Variants in NDRG2 observed in about 807,000 individuals in gnomAD.
NDRG2 encodes the protein protein NDRG2.
In NDRG2, 34 loss-of-function variants were observed where a neutral mutation model predicts 58.2. The ratio of observed to expected loss-of-function variants is 0.58; its 90% CI spans 0.44 to 0.78. NDRG2 has a LOEUF of 0.78. NDRG2 is among the 30% of genes least tolerant of loss of function. NDRG2 has a pLI of 0.00. For synonymous variants in NDRG2, 187 were observed against 175.9 expected, an observed-to-expected ratio of 1.06 and a Z score of -0.50; for missense variants, 434 against 471.2, an observed-to-expected ratio of 0.92 and a Z score of 0.73.
Position 21,024,195 on chromosome 14 carries a change from C to T in NDRG2, c.-172G>A, listed in dbSNP as rs1456932798. ...CCAAGACCCAGACTCCCAGGGTCATCAACCTCCTCGGGTCACTAACCCTCC... is the reference window on the plus strand; with the variant it reads ...CCAAGACCCAGACTCCCAGGGTCATTAACCTCCTCGGGTCACTAACCCTCC... On this transcript the variant is annotated 5_prime_UTR_variant, in exon 1 of 16. Transcript: ENST00000556147. The T allele has an allele frequency of 5.1e-6, 5 of 985,472 alleles. No individual in the cohort carries two copies. The highest frequency in any genetic ancestry group is 6.0e-6 in the Non-Finnish European group (5 of 829,992). The allele number at this position is 985,472 out of a possible 1,614,324, so 61.0% of individuals were successfully genotyped here. A position where few individuals can be genotyped will look rare whatever the true frequency, so the allele number is the denominator to read the frequency against.
At chr14:21,037,269 T>A (rs57911974) in intron 1 of NDRG2, among the ~76,000 whole-genome samples, 1,938 of 152,364 alleles carry the variant, frequency 0.013, 47 homozygotes, top group African/African-American at 0.043. Flanking sequence ...CCTAAAATCC[T>A]GTCCTAGAGG....
chr14:21,020,197 G>A, intron 8 of NDRG2: 1 of 564,878 alleles, frequency 1.8e-6, no homozygotes. Context: ...GGGAGGCTGA[G>A]GCAGGAGAAT....
At chr14:21,026,225 T>C (rs1427679425), upstream of NDRG2, among the ~76,000 whole-genome samples, 1 of 152,038 alleles carries the variant, frequency 6.6e-6, no homozygotes, top group East Asian at 1.9e-4. Flanking sequence ...AATGAGTTAG[T>C]TGATTAAAAA....
intron 1 of NDRG2, chr14:21,031,208 C>A (rs752198076): frequency 2.5e-6 from 4 of 1,598,360 alleles, no homozygotes; most frequent in Non-Finnish European, 3.4e-6. Flanking sequence ...TTCCCTAAAT[C>A]CCCATTGTTC....
At chr14:21,023,373 G>A (rs117650137) in intron 1 of NDRG2, 52 bp from the exon 2 acceptor site, 49,394 of 1,482,442 alleles carry the variant, frequency 0.033, 939 homozygotes, top group South Asian at 0.049. Context: ...TCCCCACATC[G>A]CCTCAAACAC....
chr14:21,033,221 G>A, intron 1 of NDRG2: 1 of 343,816 alleles, frequency 2.9e-6, no homozygotes, highest in South Asian at 2.2e-5. Context: ...AGAGGAAGCA[G>A]GAGAGGACAG....
rs1377164011 is a variant in NDRG2, at chr14:21,052,805, C to T, written c.24+18023G>A. On this transcript the variant is annotated intron_variant, in intron 1 of 14. Transcript: ENST00000403829. The stretch of plus-strand genomic sequence containing the variant: ...GATCCATCCAACATTATTATACATG[C>T]TCAATTAAACTCAGGAGAAAGGGTA... 3.9e-5 allele frequency among the ~76,000 whole-genome samples: 6 copies of T among 152,204 alleles called. No homozygotes were observed. In the East Asian group the frequency reaches 5.8e-4, roughly 15 times the overall value.
chr14:21,021,050 TC>T lies in NDRG2; in HGVS notation c.408-207del, dbSNP rs755620845. On this transcript the variant is annotated intron_variant, in intron 6 of 15. Transcript: ENST00000556147. ...AGTCAGGGTAGATACCTGAAGTCTA[TC>T]CCCAGCTTTCTGCTGGAGAGCTAGT... The T allele has an allele frequency of 4.4e-6, 3 of 678,020 alleles. No individual in the cohort carries two copies. In the South Asian group the frequency reaches 4.5e-5, roughly 10 times the overall value. 42.0% of individuals were successfully genotyped at this position (678,020 alleles called of 1,614,324 possible). A position where few individuals can be genotyped will look rare whatever the true frequency, so the allele number is the denominator to read the frequency against.
intron 1 of NDRG2, among the ~76,000 whole-genome samples, chr14:21,059,158 C>T (rs576897643): frequency 2.6e-4 from 40 of 152,306 alleles, no homozygotes; most frequent in African/African-American, 8.9e-4. Context: ...TGCGCAAGAC[C>T]AGAGTTCATG....
chr14:21,057,618 C>CATATATATATATATATATATAGATATAT (rs57420807), intron 1 of NDRG2, among the ~76,000 whole-genome samples: 1 of 122,896 alleles, frequency 8.1e-6, no homozygotes, highest in Non-Finnish European at 1.7e-5. Flanking sequence ...TCATTTTATT[C>CATATATATATATATATATATAGATATAT]ATATATATAT....
At chr14:21,029,656 G>C (rs888900826), upstream of NDRG2, among the ~76,000 whole-genome samples, 2 of 152,190 alleles carry the variant, frequency 1.3e-5, no homozygotes, top group Non-Finnish European at 2.9e-5. Flanking sequence ...ATGGTATTAG[G>C]AGATGGGGCA....
At chr14:21,032,624 T>A (rs1218487536) in intron 1 of NDRG2, 1 of 340,794 alleles carries the variant, frequency 2.9e-6, no homozygotes, top group African/African-American at 2.2e-5. Context: ...AAGGGGAGAG[T>A]CTATTTTCAA....
At chr14:21,034,086 C>T (rs922146878) in intron 1 of NDRG2, 1 of 1,614,168 alleles carries the variant, frequency 6.2e-7, no homozygotes. Context: ...GATCTTTGGG[C>T]AATCTGAATT....
At chr14:21,037,555 C>G (rs1039861606) in intron 1 of NDRG2, among the ~76,000 whole-genome samples, 1 of 152,218 alleles carries the variant, frequency 6.6e-6, no homozygotes, top group Admixed American at 6.5e-5. Flanking sequence ...AGGGATATTG[C>G]TGAACATCCC....
rs1882526538 is a variant in NDRG2, at chr14:21,024,272, G to A, written c.-249C>T. 2.0e-6 allele frequency: 2 copies of A among 985,368 alleles called. No homozygotes were observed. Among genetic ancestry groups the A allele is most frequent in the Non-Finnish European group, 2.4e-6 (2 of 830,042 alleles). 61.0% of individuals were successfully genotyped at this position (985,368 alleles called of 1,614,324 possible). On this transcript the variant is annotated 5_prime_UTR_variant, in exon 1 of 16. Coordinates refer to ENST00000556147, the MANE Select transcript of NDRG2 (RefSeq NM_001320329.2). Reference sequence around the variant, plus strand: ...GAGAACACGTCCTCTCTAGGCTCGAGCCGGAATCAATATAGGCTACAAGGG... The same window carrying A: ...GAGAACACGTCCTCTCTAGGCTCGAACCGGAATCAATATAGGCTACAAGGG...
At chr14:21,036,294 T>G (rs1034698487) in intron 1 of NDRG2, 6 of 456,004 alleles carry the variant, frequency 1.3e-5, no homozygotes, top group Admixed American at 2.4e-5. Flanking sequence ...TGTGATCCCT[T>G]CTTTCGTCTA....
chr14:21,021,679 G>A lies in NDRG2; in HGVS notation c.407+138C>T, dbSNP rs1880438875. 5.3e-6 allele frequency: 5 copies of A among 944,900 alleles called. No homozygotes were observed. In the South Asian group the frequency reaches 8.2e-5, roughly 15 times the overall value. 58.5% of individuals were successfully genotyped at this position (944,900 alleles called of 1,614,324 possible). On this transcript the variant is annotated intron_variant, in intron 6 of 15. Transcript: ENST00000556147. Reference sequence around the variant, plus strand: ...CCACCACCTTTTCTCAATAATCAAGGCGGGAGCATGAAGGAAGAAGATATA... The same window carrying A: ...CCACCACCTTTTCTCAATAATCAAGACGGGAGCATGAAGGAAGAAGATATA...
chr14:21,040,379 C>T (rs1368577910), intron 1 of NDRG2, among the ~76,000 whole-genome samples: 1 of 152,174 alleles, frequency 6.6e-6, no homozygotes, highest in Non-Finnish European at 1.5e-5. Flanking sequence ...TAATGTCCTC[C>T]TGGCCTCAAA....
chr14:21,045,834 C>T (rs1489194525), intron 1 of NDRG2, among the ~76,000 whole-genome samples: 1 of 152,114 alleles, frequency 6.6e-6, no homozygotes, highest in Non-Finnish European at 1.5e-5. Flanking sequence ...ATAGTTGTAG[C>T]CTTGGGGAAG....
Sources: gnomAD v4.1 joint callset for allele counts (sites outside exome capture counted in the v4.1 genomes callset) on GRCh38, gnomAD v4.1.1 for gene constraint, MANE v1.5 for transcripts, NCBI Gene and HGNC (gene_info 2026-07-23, HGNC 2026-07-21) for gene names.